Variants in RPL28 observed in about 807,000 individuals in gnomAD.
The protein encoded by RPL28 is large ribosomal subunit protein eL28.
In RPL28, 4 loss-of-function variants were observed where a neutral mutation model predicts 12.5. That is an observed-to-expected ratio of 0.32 (90% CI 0.16 to 0.73). The LOEUF (loss-of-function observed/expected upper bound fraction) is 0.73. RPL28 is among the 30% of genes least tolerant of loss of function. RPL28 has a pLI of 0.66. For missense variants in RPL28, 214 were observed against 197.7 expected (o/e 1.08, Z -0.49); for synonymous variants, 91 against 72.5 (o/e 1.26, Z -1.30).
In RPL28 at chr19:55,388,273, C is replaced by T. The variant is rs981850816; in HGVS notation, c.355C>T (p.Arg119Cys). The change falls in exon 5 of 5, where the codon CGC (arginine) becomes TGC (cysteine). Residue 119 changes from arginine to cysteine, a missense_variant. Transcript: ENST00000344063. ...CATCCGCAGGGCCAGCGCCATCCTG[C>T]GCAGCCAGAAGCCTGTGATGGTGAA... ...AAIRRASAIL[R>C]SQKPVMVKRK... 25 of 1,579,888 alleles carry T rather than the reference C, an allele frequency of 1.6e-5. No homozygotes were observed. The highest frequency in any genetic ancestry group is 3.4e-5 in the South Asian group (3 of 86,974).
At chr19:55,401,842 C>T (rs1299681392) in intron 4 of RPL28, 13 of 1,470,304 alleles carry the variant, frequency 8.8e-6, no homozygotes, top group South Asian at 2.3e-5. Flanking sequence ...GTGGCCTCCG[C>T]ACTGGCTGTT....
intron 4 of RPL28, chr19:55,402,855 C>G: frequency 8.9e-7 from 1 of 1,119,418 alleles, no homozygotes; most frequent in Non-Finnish European, 1.3e-6. Flanking sequence ...CCTCTCCCTC[C>G]CCATGGCAGG....
intron 3 of RPL28, chr19:55,387,318 C>G (rs377003105): frequency 6.4e-7 from 1 of 1,551,558 alleles, no homozygotes; most frequent in East Asian, 2.4e-5. Context: ...ATTGGAACTG[C>G]CTCAGAGCCA....
downstream of RPL28, among the ~76,000 whole-genome samples, chr19:55,395,127 C>CTTATTTAT (rs139235393): frequency 1.6e-4 from 24 of 151,758 alleles, no homozygotes; most frequent in African/African-American, 5.8e-4. Context: ...TTTTCCTTTT[C>CTTATTTAT]TTATTTATTT....
At chr19:55,386,212 C>T (rs1336683642) in intron 1 of RPL28, 138 bp from the exon 2 acceptor site, 4 of 742,488 alleles carry the variant, frequency 5.4e-6, no homozygotes, top group Non-Finnish European at 9.0e-6. Context: ...AGTTCTAGGT[C>T]GCTGTCTGCC....
chr19:55,386,728 C>G, intron 3 of RPL28, 35 bp downstream of exon 3: 1 of 1,612,520 alleles, frequency 6.2e-7, no homozygotes, highest in Non-Finnish European at 8.5e-7. Flanking sequence ...GAGAGCGGCC[C>G]CTTTCCCGGG....
At chr19:55,401,168 C>A in intron 4 of RPL28, 1 of 525,552 alleles carries the variant, frequency 1.9e-6, no homozygotes, top group South Asian at 2.5e-5. Context: ...TAGATGGACC[C>A]ACTGCTGCAG....
At chr19:55,398,655 T>G (rs974192969) in intron 4 of RPL28, among the ~76,000 whole-genome samples, 1 of 152,234 alleles carries the variant, frequency 6.6e-6, no homozygotes, top group Non-Finnish European at 1.5e-5. Flanking sequence ...TGTTTTTTTC[T>G]TATTCGTTTG....
In RPL28 at chr19:55,386,236, C is replaced by T. The variant is rs899898657; in HGVS notation, c.-8-114C>T. ...TCGCTGTCTGCCCTCAGGGGTCTCC[C>T]ATTCACCCAAGTTCCCAGTCGCTCT... On this transcript the variant is annotated intron_variant, in intron 1 of 4. Transcript: ENST00000344063. 6.4e-6 allele frequency: 6 copies of T among 940,226 alleles called. No individual in the cohort carries two copies. The African/African-American group carries it at 8.1e-5, about 13-fold the overall frequency. 58.2% of individuals were successfully genotyped at this position (940,226 alleles called of 1,614,324 possible). A position where few individuals can be genotyped will look rare whatever the true frequency, so the allele number is the denominator to read the frequency against.
intron 4 of RPL28, among the ~76,000 whole-genome samples, chr19:55,399,341 ATT>A (rs1209009569): frequency 6.6e-6 from 1 of 151,860 alleles, no homozygotes; most frequent in Non-Finnish European, 1.5e-5. Context: ...TAATTTTTGT[ATT>A]TTTAGTAGAG....
intron 3 of RPL28, 26 bp from the exon 4 acceptor site, chr19:55,387,904 C>G: frequency 6.5e-7 from 1 of 1,542,940 alleles, no homozygotes; most frequent in Non-Finnish European, 8.7e-7. Context: ...TGGACTGACC[C>G]CAGGACCTCC....
chr19:55,394,645 C>T (rs908085922), downstream of RPL28, among the ~76,000 whole-genome samples: 1 of 151,996 alleles, frequency 6.6e-6, no homozygotes, highest in Non-Finnish European at 1.5e-5. Flanking sequence ...GATCAAGGCT[C>T]TCTGTAGCCT....
At chr19:55,395,936 C>A (rs557696371), downstream of RPL28, among the ~76,000 whole-genome samples, 1 of 152,150 alleles carries the variant, frequency 6.6e-6, no homozygotes, top group African/African-American at 2.4e-5. Context: ...CCTTACATGA[C>A]TGGTAGTGTC....
At chr19:55,395,289 A>C (rs983906126), downstream of RPL28, among the ~76,000 whole-genome samples, 8 of 152,072 alleles carry the variant, frequency 5.3e-5, no homozygotes, top group Non-Finnish European at 1.0e-4. Flanking sequence ...GGCATGCGCC[A>C]CCATGCCCAG....
At chr19:55,393,742 G>A (rs2090006593), downstream of RPL28, among the ~76,000 whole-genome samples, 1 of 150,186 alleles carries the variant, frequency 6.7e-6, no homozygotes, top group South Asian at 2.1e-4. Flanking sequence ...TCCACCTCCT[G>A]GGTTCAAGCG....
At chr19:55,395,570 A>G (rs1054419871), downstream of RPL28, among the ~76,000 whole-genome samples, 1 of 150,488 alleles carries the variant, frequency 6.6e-6, no homozygotes, top group Non-Finnish European at 1.5e-5. Flanking sequence ...CAGCCTCCCT[A>G]GTAGCTGGGA....
Position 55,388,238 on chromosome 19 carries a change from C to A in RPL28, c.325-5C>A. 6.5e-7 allele frequency: 1 copy of A among 1,539,032 alleles called. No homozygotes were observed. The highest frequency in any genetic ancestry group is 1.2e-5 in the South Asian group (1 of 81,720). Reference sequence around the variant, plus strand: ...CTGAGCCTTGCTCTGCTCCCCCGCCCCCAGGCAGCCATCCGCAGGGCCAGC... The same window carrying A: ...CTGAGCCTTGCTCTGCTCCCCCGCCACCAGGCAGCCATCCGCAGGGCCAGC... On this transcript the variant is annotated splice_polypyrimidine_tract_variant and splice_region_variant and intron_variant, in intron 4 of 4. Coordinates refer to ENST00000344063, the MANE Select transcript of RPL28 (RefSeq NM_000991.5).
Position 55,389,863 on chromosome 19 carries a change from C to T in RPL28, c.*1531C>T, listed in dbSNP as rs2089973663. Reference sequence around the variant, plus strand: ...ACTCAGGCCCACCTCCAGCTGGCCTCACTCCGCTGGTGACTTCGTACCTGC... The same window carrying T: ...ACTCAGGCCCACCTCCAGCTGGCCTTACTCCGCTGGTGACTTCGTACCTGC... On this transcript the variant is annotated 3_prime_UTR_variant, in exon 5 of 5. Coordinates refer to ENST00000344063, the MANE Select transcript of RPL28 (RefSeq NM_000991.5). 1 of 985,334 alleles carries T rather than the reference C, an allele frequency of 1.0e-6. No individual in the cohort carries two copies. The highest frequency in any genetic ancestry group is 1.2e-6 in the Non-Finnish European group (1 of 829,874). 61.0% of individuals were successfully genotyped at this position (985,334 alleles called of 1,614,324 possible). A position where few individuals can be genotyped will look rare whatever the true frequency, so the allele number is the denominator to read the frequency against.
chr19:55,402,697 C>A (rs1323134399), intron 4 of RPL28, among the ~76,000 whole-genome samples: 1 of 152,178 alleles, frequency 6.6e-6, no homozygotes, highest in Admixed American at 6.5e-5. Context: ...CTGGCTGAGC[C>A]CCTGACAGGC....
Sources: allele counts gnomAD v4.1 joint callset (sites outside exome capture counted in the v4.1 genomes callset), GRCh38; gene constraint gnomAD v4.1.1; transcripts MANE v1.5; gene names NCBI Gene and HGNC (gene_info 2026-07-23, HGNC 2026-07-21).